Variants in FAT4 observed in about 807,000 individuals in gnomAD.
FAT4 encodes the protein protocadherin Fat 4.
A neutral mutation model predicts 303.9 loss-of-function variants in FAT4; 84 were observed. The observed-to-expected ratio is 0.28, with a 90% CI of 0.23 to 0.33. The LOEUF is 0.33. FAT4 is among the 10% of genes least tolerant of loss of function. The pLI is 1.00. For missense variants in FAT4, 6,005 were observed against 6,146.8 expected, an observed-to-expected ratio of 0.98 and a Z score of 0.77; for synonymous variants, 2,307 against 2,298.8, an observed-to-expected ratio of 1.00 and a Z score of -0.10.
At chr4:125,443,489 A>G (rs768207625) in intron 8 of FAT4, among the ~76,000 whole-genome samples, 6 of 151,510 alleles carry the variant, frequency 4.0e-5, no homozygotes, top group Non-Finnish European at 8.8e-5. Flanking sequence ...AGAAATTCAA[A>G]CTCTAGATCT....
chr4:125,451,644 C>T lies in FAT4; in HGVS notation c.10634C>T (p.Pro3545Leu), dbSNP rs563880519. The T allele has an allele frequency of 1.2e-6, 2 of 1,614,070 alleles. No homozygotes were observed. The highest frequency in any genetic ancestry group is 1.3e-5 in the African/African-American group (1 of 74,988). Residue 3545 changes from proline (P) to leucine (L), a missense_variant, in exon 10 of 18, where the codon CCC becomes CTC. By Grantham distance (98) the Pro-to-Leu change is moderately conservative. Coordinates refer to ENST00000394329, the MANE Select transcript of FAT4 (RefSeq NM_001291303.3). The part of the protein sequence containing the change: ...TDPDLPPNQG[P>L]FTYYLLSTGP... ...CCTGATCTCCCTCCAAATCAAGGTC[C>T]CTTTACTTATTACTTGCTGAGCACA...
At chr4:125,447,448 T>A (rs969588811) in intron 9 of FAT4, among the ~76,000 whole-genome samples, 2 of 152,098 alleles carry the variant, frequency 1.3e-5, no homozygotes, top group South Asian at 4.1e-4. Flanking sequence ...AAAGGAAATG[T>A]CAGTATCAAA....
In FAT4 at chr4:125,316,648, C is replaced by T. The variant is rs761423355; in HGVS notation, c.237C>T (p.Ala79=). Residue 79 remains alanine (A), a synonymous_variant, in exon 2 of 18, where the codon GCC becomes GCT. Coordinates refer to ENST00000394329, the MANE Select transcript of FAT4 (RefSeq NM_001291303.3). This position sits in a 1 kb window ranked among gnomAD's most constrained non-coding sequence, Gnocchi z 5.7. The part of the protein sequence containing the change: ...GFTYRLSESH[A]LFAINSSTGA... The stretch of plus-strand genomic sequence containing the variant: ...CCTACAGGCTCAGCGAAAGCCACGC[C>T]CTGTTTGCCATAAACAGTAGCACCG... The T allele has an allele frequency of 6.2e-7, 1 of 1,613,832 alleles. No homozygotes were observed. The highest frequency in any genetic ancestry group is 8.5e-7 in the Non-Finnish European group (1 of 1,180,032).
rs1730623781 is a variant in FAT4, at chr4:125,316,829, A to G, written c.418A>G (p.Ile140Val). 2 of 1,613,954 alleles carry G rather than the reference A, an allele frequency of 1.2e-6. No homozygotes were observed. Reference sequence around the variant, plus strand: ...CGCCCCCGTTTTCCCGGACCCCTCTATCGTGGTCACTTTCAAGGAAGACAG... The same window carrying G: ...CGCCCCCGTTTTCCCGGACCCCTCTGTCGTGGTCACTTTCAAGGAAGACAG... ...DNAPVFPDPSIVVTFKEDSSS... is the reference protein window; with the variant it reads ...DNAPVFPDPSVVVTFKEDSSS... The change falls in exon 2 of 18, where the codon ATC becomes GTC. Residue 140 changes from isoleucine to valine, a missense_variant. By Grantham distance (29) the Ile-to-Val change is conservative. Coordinates refer to ENST00000394329, the MANE Select transcript of FAT4 (RefSeq NM_001291303.3). The surrounding 1 kb of genome is among the most constrained non-coding windows in gnomAD (Gnocchi z 5.7).
chr4:125,491,695 C>G lies in FAT4; in HGVS notation c.14879C>G (p.Ala4960Gly). 6.2e-7 allele frequency: 1 copy of G among 1,614,144 alleles called. No individual in the cohort carries two copies. Among genetic ancestry groups the G allele is most frequent in the Non-Finnish European group, 8.5e-7 (1 of 1,180,006 alleles). Residue 4960 changes from alanine (A) to glycine (G), a missense_variant, in exon 18 of 18, where the codon GCA becomes GGA. Transcript: ENST00000394329. Reference protein sequence around the residue: ...KDLASLPEKAAANEEGKAGTT... With the variant: ...KDLASLPEKAGANEEGKAGTT... The stretch of plus-strand genomic sequence containing the variant: ...TTGGCATCTCTTCCAGAAAAAGCAG[C>G]AGCAAATGAAGAAGGCAAAGCTGGG...
chr4:125,427,940 A>G (rs527621147), intron 7 of FAT4, among the ~76,000 whole-genome samples: 1 of 152,234 alleles, frequency 6.6e-6, no homozygotes, highest in South Asian at 2.1e-4. Flanking sequence ...CATTCATTAC[A>G]CTTATTATCT....
chr4:125,332,231 T>G (rs1731413853), intron 2 of FAT4, among the ~76,000 whole-genome samples: 1 of 151,580 alleles, frequency 6.6e-6, no homozygotes, highest in South Asian at 2.1e-4. Context: ...TTTATGTTCA[T>G]TTTAAGGAAA....
At chr4:125,373,390 A>C (rs1204912367) in intron 2 of FAT4, among the ~76,000 whole-genome samples, 1 of 152,138 alleles carries the variant, frequency 6.6e-6, no homozygotes, top group Non-Finnish European at 1.5e-5. Context: ...TAAAGAGGTG[A>C]TATCTAAAGG....
At position 125,316,564 on chromosome 4, in the gene FAT4, G is replaced by T; in HGVS notation, c.153G>T (p.Val51=). 6.2e-7 allele frequency: 1 copy of T among 1,614,062 alleles called. No individual in the cohort carries two copies. The stretch of plus-strand genomic sequence containing the variant: ...CCGAGCCGCGCCAGGTGTTCCAAGT[G>T]CTGGAAGAGCAACCTCCAGGCACTC... ...HGAEPRQVFQ[V]LEEQPPGTLV... Residue 51 remains valine, a synonymous_variant, in exon 2 of 18, where the codon GTG becomes GTT. Transcript: ENST00000394329. The surrounding 1 kb of genome is among the most constrained non-coding windows in gnomAD (Gnocchi z 5.7).
chr4:125,477,173 A>G lies in FAT4; in HGVS notation c.12318A>G (p.Pro4106=). The G allele has an allele frequency of 7.2e-7, 1 of 1,381,122 alleles. No individual in the cohort carries two copies. Among genetic ancestry groups the G allele is most frequent in the Non-Finnish European group, 9.5e-7 (1 of 1,056,484 alleles). The allele number at this position is 1,381,122 out of a possible 1,614,324, so 85.6% of individuals were successfully genotyped here. Residue 4106 remains proline (P), a synonymous_variant, in exon 14 of 18, where the codon CCA becomes CCG. Transcript: ENST00000394329. Reference sequence around the variant, plus strand: ...TATTTAGGACTCTTGATGTTCAGCCAAATAGAGTTACAGTTGGAGGTATCA... The same window carrying G: ...TATTTAGGACTCTTGATGTTCAGCCGAATAGAGTTACAGTTGGAGGTATCA... The part of the protein sequence containing the change: ...VSDDWTLDVQ[P]NRVTVGGIRS...
At chr4:125,476,383 A>G (rs560124977) in intron 13 of FAT4, 127 bp downstream of exon 13, 1 of 366,640 alleles carries the variant, frequency 2.7e-6, no homozygotes, top group South Asian at 8.6e-5. Flanking sequence ...TCCCTCTCCA[A>G]ATTTTCATAA....
intron 7 of FAT4, among the ~76,000 whole-genome samples, chr4:125,431,341 G>A (rs937173421): frequency 1.4e-4 from 22 of 152,254 alleles, no homozygotes; most frequent in African/African-American, 5.1e-4. Context: ...CCATAAAGCT[G>A]TGAATTTTTA....
In FAT4 at chr4:125,490,975, C is replaced by G. The variant is rs76607227; in HGVS notation, c.14159C>G (p.Ala4720Gly). ...KSSTFYRNSP[A>G]RELHLPIRDG... ...TCTACGTTCTATAGAAACAGCCCAG[C>G]AAGGGAATTGCATCTTCCTATAAGG... Residue 4720 changes from alanine (A) to glycine (G), a missense_variant, in exon 18 of 18, where the codon GCA becomes GGA. Ala to Gly is a moderately conservative substitution (Grantham distance 60). Coordinates refer to ENST00000394329, the MANE Select transcript of FAT4 (RefSeq NM_001291303.3). The G allele has an allele frequency of 3.7e-4, 595 of 1,614,162 alleles. 2 individuals are homozygous for G. The African/African-American group carries it at 6.8e-3, about 18-fold the overall frequency.
intron 2 of FAT4, among the ~76,000 whole-genome samples, chr4:125,381,873 T>A (rs1026519719): frequency 6.6e-6 from 1 of 152,246 alleles, no homozygotes; most frequent in Admixed American, 6.5e-5. Context: ...TTCTAAATAT[T>A]TTGTTGTCAT....
intron 3 of FAT4, among the ~76,000 whole-genome samples, chr4:125,405,047 A>G (rs1163244596): frequency 6.6e-6 from 1 of 151,404 alleles, no homozygotes; most frequent in Non-Finnish European, 1.5e-5. Context: ...CTGATTTAGC[A>G]TCCCTAATCT....
chr4:125,463,826 A>G (rs2126071793), intron 11 of FAT4, among the ~76,000 whole-genome samples, 159 bp downstream of exon 11: 1 of 152,274 alleles, frequency 6.6e-6, no homozygotes, highest in East Asian at 1.9e-4. Flanking sequence ...TGTAAAAGTT[A>G]TGGAAATCCC....
chr4:125,321,151 T>C lies in FAT4; in HGVS notation c.4740T>C (p.Tyr1580=). The change falls in exon 2 of 18, where the codon TAT becomes TAC. Residue 1580 remains tyrosine (Y), a synonymous_variant. Transcript: ENST00000394329. ...CAGACACCTTCATTGTTGATCGTTATAGTGGAGACCTGAGAGTGGCTTCAG... is the reference window on the plus strand; with the variant it reads ...CAGACACCTTCATTGTTGATCGTTACAGTGGAGACCTGAGAGTGGCTTCAG... The part of the protein sequence containing the change: ...GDTDTFIVDR[Y]SGDLRVASAL... The C allele has an allele frequency of 1.2e-6, 2 of 1,614,152 alleles. No homozygotes were observed. The highest frequency in any genetic ancestry group is 1.7e-6 in the Non-Finnish European group (2 of 1,179,976).
intron 2 of FAT4, chr4:125,393,967 C>CCTTA (rs2126008974): frequency 1.3e-6 from 1 of 780,246 alleles, no homozygotes; most frequent in East Asian, 2.4e-5. Context: ...GTGGGTGATA[C>CCTTA]CTTAGCTCAA....
Position 125,448,886 on chromosome 4 carries a change from A to C in FAT4, c.7876A>C (p.Ser2626Arg), listed in dbSNP as rs191460472. 12 of 1,609,968 alleles carry C rather than the reference A, an allele frequency of 7.5e-6. No homozygotes were observed. In the African/African-American group the frequency reaches 1.2e-4, roughly 16 times the overall value. The stretch of plus-strand genomic sequence containing the variant: ...TCAGTTAACAGGGCAGGTGTCTATT[A>C]GTCAACCTCTGGATTTTGAAAAGAT... ...IDQLTGQVSISQPLDFEKIQK... is the reference protein window; with the variant it reads ...IDQLTGQVSIRQPLDFEKIQK... The change falls in exon 10 of 18, where the codon AGT becomes CGT. Residue 2626 changes from serine (S) to arginine (R), a missense_variant. By Grantham distance (110) the Ser-to-Arg change is moderately radical. Transcript: ENST00000394329.
Sources: allele counts gnomAD v4.1 joint callset (sites outside exome capture counted in the v4.1 genomes callset), GRCh38; gene constraint gnomAD v4.1.1; non-coding constraint Gnocchi (gnomAD v3.1); transcripts MANE v1.5; gene names NCBI Gene and HGNC (gene_info 2026-07-23, HGNC 2026-07-21).